The following ASH1L variants were observed in gnomAD, a reference collection of about 807,000 sequenced individuals.
The protein encoded by ASH1L is ASH1 like histone lysine methyltransferase.
Under a neutral mutation model 269.0 loss-of-function variants are expected in ASH1L, and 23 were observed. That is an observed-to-expected ratio of 0.09 (90% confidence interval 0.06 to 0.12). The LOEUF (loss-of-function observed/expected upper bound fraction) is 0.12. ASH1L is among the 10% of genes least tolerant of loss of function. The pLI is 1.00. For missense variants in ASH1L, 2,912 were observed against 3,567.8 expected (o/e 0.82, Z 4.68); for synonymous variants, 1,187 against 1,253.5 (o/e 0.95, Z 1.12).
rs1327974045 is a variant in ASH1L at position 155,480,046 on chromosome 1, G to T, written c.2824C>A (p.Leu942Ile). The change falls in exon 3 of 28, where the codon CTT (leucine) becomes ATT (isoleucine). Residue 942 changes from leucine to isoleucine, a missense_variant. Around this residue, in one of 13 missense-constraint regions of ASH1L, gnomAD observed 715 missense variants for 721.0 expected, o/e 0.99. Transcript: ENST00000392403. Reference protein sequence around the residue: ...SSDFFESEDQLQDPDDLDDSH... With the variant: ...SSDFFESEDQIQDPDDLDDSH... ...TCATCTAGGTCATCTGGATCCTGAA[G>T]TTGATCCTCGCTCTCAAAGAAATCA... is the stretch of plus-strand genomic sequence containing the variant. The T allele has an allele frequency of 6.2e-7, 1 of 1,614,040 alleles. No individual in the cohort carries two copies. The highest frequency in any genetic ancestry group is 1.3e-5 in the African/African-American group (1 of 75,026).
At chr1:155,417,731 G>A (rs1660333006) in intron 5 of ASH1L, among the ~76,000 whole-genome samples, 1 of 152,192 alleles carries the variant, frequency 6.6e-6, no homozygotes, top group South Asian at 2.1e-4. Context: ...GGCTGAGACA[G>A]GCGGATCACC....
intron 4 of ASH1L, among the ~76,000 whole-genome samples, chr1:155,446,626 C>CTTT (rs34042736): frequency 8.6e-6 from 1 of 116,842 alleles, no homozygotes; most frequent in Non-Finnish European, 1.8e-5. Flanking sequence ...TTTTTTTTTT[C>CTTT]TTTTTTTTTT....
At chr1:155,546,268 T>C (rs1331197258) in intron 1 of ASH1L, among the ~76,000 whole-genome samples, 1 of 151,302 alleles carries the variant, frequency 6.6e-6, no homozygotes, top group Non-Finnish European at 1.5e-5. Flanking sequence ...GAGGCGGAGC[T>C]TGCAATGAGC....
At chr1:155,485,956 G>GA (rs201851090) in intron 2 of ASH1L, among the ~76,000 whole-genome samples, 2,810 of 132,642 alleles carry the variant, frequency 0.021, 54 homozygotes, top group African/African-American at 0.063. Flanking sequence ...TGTGTCTATT[G>GA]AAAAAAAAAA....
intron 13 of ASH1L, among the ~76,000 whole-genome samples, chr1:155,357,983 C>T (rs1654564452): frequency 4.6e-5 from 7 of 151,926 alleles, no homozygotes; most frequent in African/African-American, 1.7e-4. Context: ...GTTGACCAGG[C>T]TGGTCTCGAA....
At chr1:155,494,267 A>G (rs1667004834) in intron 2 of ASH1L, among the ~76,000 whole-genome samples, 1 of 152,256 alleles carries the variant, frequency 6.6e-6, no homozygotes, top group Non-Finnish European at 1.5e-5. Context: ...TTGTCTGTTT[A>G]AAGAACAATA....
chr1:155,433,748 C>A (rs1052590136), intron 5 of ASH1L: 2 of 1,603,988 alleles, frequency 1.2e-6, no homozygotes, highest in African/African-American at 2.7e-5. Context: ...CTTTGAGGGT[C>A]TGCAGCTTAG....
Position 155,415,892 on chromosome 1 carries a change from G to A in ASH1L, c.5860C>T (p.Pro1954Ser), listed in dbSNP as rs778032007. Residue 1954 changes from proline (P) to serine (S), a missense_variant, in exon 6 of 28, where the codon CCT (proline) becomes TCT (serine). This residue lies in a region of ASH1L where 193 missense variants were observed against 311.6 expected (regional missense o/e 0.62). Transcript: ENST00000392403. ...FNEAPVEIPS[P>S]SETPAKPSEP... ...GAAGGTTTAGCTGGGGTTTCAGAAG[G>A]ACTGGGAATCTCAACTGGTGCTTCA... 7.5e-6 allele frequency: 12 copies of A among 1,602,116 alleles called. No individual in the cohort carries two copies. The East Asian group carries it at 2.7e-4, about 36-fold the overall frequency.
At chr1:155,492,345 G>A (rs572845083) in intron 2 of ASH1L, among the ~76,000 whole-genome samples, 1 of 152,026 alleles carries the variant, frequency 6.6e-6, no homozygotes, top group South Asian at 2.1e-4. Context: ...GCCCAGTCTT[G>A]TTTTCTTATA....
At chr1:155,460,171 A>T (rs568257676) in intron 3 of ASH1L, among the ~76,000 whole-genome samples, 1 of 152,328 alleles carries the variant, frequency 6.6e-6, no homozygotes, top group South Asian at 2.1e-4. Flanking sequence ...ACAAGATATG[A>T]TTTAGTTTTC....
At chr1:155,355,875 T>TTC (rs1654333160) in intron 15 of ASH1L, among the ~76,000 whole-genome samples, 1 of 152,002 alleles carries the variant, frequency 6.6e-6, no homozygotes, top group Admixed American at 6.6e-5. Flanking sequence ...TAAAGATCCT[T>TTC]TCTATTGCTC....
intron 1 of ASH1L, among the ~76,000 whole-genome samples, chr1:155,522,413 G>C (rs1475307973): frequency 6.6e-6 from 1 of 152,110 alleles, no homozygotes; most frequent in African/African-American, 2.4e-5. Flanking sequence ...CTAGTGAGAA[G>C]GGCAAACATT....
intron 1 of ASH1L, among the ~76,000 whole-genome samples, chr1:155,540,693 T>C (rs564816656): frequency 5.3e-4 from 81 of 152,124 alleles, no homozygotes; most frequent in African/African-American, 1.9e-3. Flanking sequence ...CGCTTGAGCC[T>C]GGGAAGTCAA....
Position 155,411,586 on chromosome 1 carries a change from A to AATAAATATATAT in ASH1L, c.6008+4157_6008+4158insATATATATTTAT, listed in dbSNP as rs1297131961. ...AAATATGAATATAAATAAATAAATA[A>AATAAATATATAT]ATATATATATATATATATATATATA... On this transcript the variant is annotated intron_variant, in intron 6 of 27. Coordinates refer to ENST00000392403, the MANE Select transcript of ASH1L (RefSeq NM_018489.3). 3.7e-3 allele frequency among the ~76,000 whole-genome samples: 204 copies of AATAAATATATAT among 55,072 alleles called. 3 individuals carry two copies. The highest frequency in any genetic ancestry group is 9.6e-3 in the African/African-American group (121 of 12,612). 36.1% of individuals were successfully genotyped at this position (55,072 alleles called of 152,430 possible).
intron 15 of ASH1L, among the ~76,000 whole-genome samples, chr1:155,354,958 C>G (rs1339996123): frequency 1.3e-5 from 2 of 152,186 alleles, no homozygotes; most frequent in African/African-American, 4.8e-5. Context: ...TCAGCTATAA[C>G]AAGGAGAACT....
At chr1:155,399,875 T>C (rs896365669) in intron 6 of ASH1L, among the ~76,000 whole-genome samples, 1 of 151,858 alleles carries the variant, frequency 6.6e-6, no homozygotes, top group East Asian at 1.9e-4. Context: ...AAGTGTAGGA[T>C]GGAGGAAGTA....
At chr1:155,554,248 C>T (rs950760448) in intron 1 of ASH1L, among the ~76,000 whole-genome samples, 4 of 151,550 alleles carry the variant, frequency 2.6e-5, no homozygotes, top group East Asian at 1.9e-4. Context: ...CCACACTTGG[C>T]GAATTTTTTT....
chr1:155,341,117 G>A (rs1570938624), intron 25 of ASH1L, among the ~76,000 whole-genome samples: 2 of 149,668 alleles, frequency 1.3e-5, no homozygotes, highest in East Asian at 2.0e-4. Context: ...GATTACAGGT[G>A]CGCGCCACCA....
At chr1:155,348,108 T>C (rs1475516861) in intron 19 of ASH1L, among the ~76,000 whole-genome samples, 1 of 152,232 alleles carries the variant, frequency 6.6e-6, no homozygotes, top group Admixed American at 6.5e-5. Context: ...GCATGTTATT[T>C]TTCCATTTGC....
Sources: gnomAD v4.1 joint callset for allele counts (sites outside exome capture counted in the v4.1 genomes callset) on GRCh38, gnomAD v4.1.1 for gene constraint, gnomAD v4.1.1 regional missense constraint, MANE v1.5 for transcripts, NCBI Gene and HGNC (gene_info 2026-07-23, HGNC 2026-07-21) for gene names.